Variants in ST3GAL3 observed in about 807,000 individuals in gnomAD.
ST3GAL3 encodes the protein CMP-N-acetylneuraminate-beta-1,4-galactoside alpha-2,3-sialyltransferase.
A neutral mutation model predicts 50.1 loss-of-function variants in ST3GAL3; 21 were observed. The observed-to-expected ratio is 0.42, with a 90% CI of 0.30 to 0.60. ST3GAL3 has a LOEUF of 0.60. ST3GAL3 is among the 20% of genes least tolerant of loss of function. The pLI is 0.19. For synonymous variants in ST3GAL3, 183 were observed against 190.0 expected (o/e 0.96, Z 0.30); for missense variants, 353 against 489.4 (o/e 0.72, Z 2.63).
intron 4 of ST3GAL3, among the ~76,000 whole-genome samples, chr1:43,819,415 C>T (rs1201292436): frequency 1.3e-5 from 2 of 152,074 alleles, no homozygotes; most frequent in African/African-American, 2.4e-5. Flanking sequence ...TTTTATGTGT[C>T]ATAAAATATG....
intron 3 of ST3GAL3, among the ~76,000 whole-genome samples, chr1:43,810,530 A>C (rs569845152): frequency 2.6e-5 from 4 of 152,136 alleles, no homozygotes; most frequent in Admixed American, 1.3e-4. Flanking sequence ...CTAGCTCTTT[A>C]GTTTTCCAAA....
At chr1:43,885,066 T>C (rs1232605614) in intron 5 of ST3GAL3, among the ~76,000 whole-genome samples, 1 of 152,250 alleles carries the variant, frequency 6.6e-6, no homozygotes, top group Non-Finnish European at 1.5e-5. Flanking sequence ...ATTCACCTTA[T>C]ACGCTGCACC....
Position 43,838,757 on chromosome 1 carries a change from C to T in ST3GAL3, c.302+446C>T, listed in dbSNP as rs184623122. The T allele has an allele frequency of 3.9e-3, 985 of 252,278 alleles. 12 individuals carry two copies. Among genetic ancestry groups the T allele is most frequent in the African/African-American group, 0.021 (933 of 45,414 alleles). The allele number at this position is 252,278 out of a possible 1,614,324, so 15.6% of individuals were successfully genotyped here. A position where few individuals can be genotyped will look rare whatever the true frequency, so the allele number is the denominator to read the frequency against. On this transcript the variant is annotated intron_variant, in intron 5 of 11. Transcript: ENST00000347631. Reference sequence around the variant, plus strand: ...GGCTGTCTTGAGTTTTAGCACTTTCCTTCTCTGTCCATTTTGCATTCTGGA... The same window carrying T: ...GGCTGTCTTGAGTTTTAGCACTTTCTTTCTCTGTCCATTTTGCATTCTGGA...
Position 43,899,136 on chromosome 1 carries a change from C to T in ST3GAL3, c.462-32C>T. The T allele has an allele frequency of 6.2e-7, 1 of 1,613,838 alleles. No homozygotes were observed. ...GGAAAGAGACCTGGTGGGCAGCTCT[C>T]TGTACAGAGGTCTCCGCCTCTCTCC... On this transcript the variant is annotated intron_variant, in intron 7 of 11. Transcript: ENST00000347631. The surrounding 1 kb of genome is among the most constrained non-coding windows in gnomAD (Gnocchi z 5.4).
intron 2 of ST3GAL3, among the ~76,000 whole-genome samples, chr1:43,771,729 G>GT (rs1309074417): frequency 2.8e-4 from 28 of 98,246 alleles, no homozygotes; most frequent in African/African-American, 1.1e-3. Flanking sequence ...TTTTAATAAA[G>GT]TTGTGTGTGT....
At chr1:43,800,955 C>A (rs778535488) in intron 3 of ST3GAL3, among the ~76,000 whole-genome samples, 1 of 152,152 alleles carries the variant, frequency 6.6e-6, no homozygotes, top group Non-Finnish European at 1.5e-5. Flanking sequence ...GGTAGGTCCT[C>A]ATTCCATTTA....
chr1:43,903,487 C>T (rs1438753381), intron 9 of ST3GAL3, among the ~76,000 whole-genome samples: 1 of 152,220 alleles, frequency 6.6e-6, no homozygotes, highest in Non-Finnish European at 1.5e-5. Context: ...GAAAGCCAGC[C>T]TCGCTGCTGA....
intron 2 of ST3GAL3, among the ~76,000 whole-genome samples, chr1:43,741,852 G>A (rs1681061312): frequency 6.6e-6 from 1 of 152,170 alleles, no homozygotes; most frequent in Non-Finnish European, 1.5e-5. Flanking sequence ...GTCTGAGGAC[G>A]GTTTCCCAAC....
At chr1:43,769,864 C>G (rs186600281) in intron 2 of ST3GAL3, among the ~76,000 whole-genome samples, 2 of 152,084 alleles carry the variant, frequency 1.3e-5, no homozygotes, top group African/African-American at 2.4e-5. Context: ...TATTTTTTCT[C>G]TCATTTTTAT....
At chr1:43,907,235 G>A (rs923218922) in intron 9 of ST3GAL3, among the ~76,000 whole-genome samples, 3 of 152,214 alleles carry the variant, frequency 2.0e-5, no homozygotes, top group African/African-American at 4.8e-5. Context: ...TTTATTCATT[G>A]ATTCAGCAAA....
intron 5 of ST3GAL3, chr1:43,850,540 G>T (rs1186805408): frequency 9.8e-5 from 67 of 685,618 alleles, no homozygotes; most frequent in Non-Finnish European, 5.5e-6. Context: ...GGGTTCCCCA[G>T]CCGCAGTCCA....
intron 4 of ST3GAL3, among the ~76,000 whole-genome samples, chr1:43,837,180 G>A (rs1325452372): frequency 1.3e-5 from 2 of 152,186 alleles, no homozygotes; most frequent in East Asian, 3.9e-4. Context: ...CTGGGGGTAA[G>A]TATATGATGT....
chr1:43,920,288 C>T, intron 9 of ST3GAL3, 116 bp from the exon 10 acceptor site: 2 of 1,283,014 alleles, frequency 1.6e-6, no homozygotes, highest in Non-Finnish European at 1.1e-6. Flanking sequence ...GCCCTGGGTT[C>T]CCCATTAAAC....
In ST3GAL3 at chr1:43,899,667, C is replaced by G; in HGVS notation, c.684C>G (p.Leu228=). 1 of 1,614,172 alleles carries G rather than the reference C, an allele frequency of 6.2e-7. No homozygotes were observed. The highest frequency in any genetic ancestry group is 8.5e-7 in the Non-Finnish European group (1 of 1,180,040). The change falls in exon 9 of 12, where the codon CTC becomes CTG. Residue 228 remains leucine (L), a synonymous_variant. Transcript: ENST00000347631. This position sits in a 1 kb window ranked among gnomAD's most constrained non-coding sequence, Gnocchi z 5.4. The part of the protein sequence containing the change: ...EQYERDSLFV[L]AGFKWQDFKW... ...ACGAGCGCGATTCTCTCTTTGTCCTCGCCGGCTTCAAGTGGCAGGACTTTA... is the reference window on the plus strand; with the variant it reads ...ACGAGCGCGATTCTCTCTTTGTCCTGGCCGGCTTCAAGTGGCAGGACTTTA...
intron 5 of ST3GAL3, among the ~76,000 whole-genome samples, chr1:43,878,293 T>C (rs1254584367): frequency 6.6e-6 from 1 of 152,120 alleles, no homozygotes; most frequent in African/African-American, 2.4e-5. Flanking sequence ...CATCTCAAAA[T>C]CTTACTTTAG....
chr1:43,857,986 T>C (rs554100439), intron 5 of ST3GAL3: 4 of 410,118 alleles, frequency 9.8e-6, no homozygotes, highest in South Asian at 9.0e-5. Flanking sequence ...AAAATAGAAA[T>C]TTAAAAAGCA....
chr1:43,739,555 G>A (rs150257574), intron 2 of ST3GAL3, among the ~76,000 whole-genome samples: 106 of 152,200 alleles, frequency 7.0e-4, no homozygotes, highest in African/African-American at 2.4e-3. Context: ...CATTCAGTAA[G>A]CAGTATGTTC....
intron 4 of ST3GAL3, among the ~76,000 whole-genome samples, chr1:43,832,989 G>A (rs946502783): frequency 2.0e-5 from 3 of 152,162 alleles, no homozygotes; most frequent in African/African-American, 7.2e-5. Context: ...TAGGCAGTGT[G>A]CTAAGTGCTG....
chr1:43,928,083 G>A (rs1266722044), intron 11 of ST3GAL3, among the ~76,000 whole-genome samples: 2 of 152,218 alleles, frequency 1.3e-5, no homozygotes, highest in East Asian at 1.9e-4. Context: ...GATTTGGAAG[G>A]TGGAGAAGGT....
Sources: allele counts gnomAD v4.1 joint callset (sites outside exome capture counted in the v4.1 genomes callset), GRCh38; gene constraint gnomAD v4.1.1; non-coding constraint Gnocchi (gnomAD v3.1); transcripts MANE v1.5; gene names NCBI Gene and HGNC (gene_info 2026-07-23, HGNC 2026-07-21).